The following MACROD2 variants were observed in gnomAD, a reference collection of about 807,000 sequenced individuals.
MACROD2 encodes the protein mono-ADP ribosylhydrolase 2, also known as ADP-ribose glycohydrolase MACROD2.
In MACROD2, 36 loss-of-function variants were observed where a neutral mutation model predicts 70.4. The ratio of observed to expected loss-of-function variants is 0.51; its 90% CI spans 0.39 to 0.68. The LOEUF (loss-of-function observed/expected upper bound fraction) is 0.68. MACROD2 is among the 30% of genes least tolerant of loss of function. MACROD2 has a pLI of 0.00. For synonymous variants in MACROD2, 172 were observed against 178.8 expected, an observed-to-expected ratio of 0.96 and a Z score of 0.30; for missense variants, 496 against 538.4, an observed-to-expected ratio of 0.92 and a Z score of 0.78.
chr20:14,362,563 A>C (rs1330748855), intron 3 of MACROD2, among the ~76,000 whole-genome samples: 1 of 152,144 alleles, frequency 6.6e-6, no homozygotes, highest in African/African-American at 2.4e-5. Context: ...TCACAGCCCC[A>C]AGTTAACTTT....
rs202177618 is a variant in MACROD2 at position 14,326,111 on chromosome 20, C to G, written c.272-167368C>G. The G allele has an allele frequency of 2.1e-4, 338 of 1,613,736 alleles. No individual in the cohort carries two copies. Among genetic ancestry groups the G allele is most frequent in the Non-Finnish European group, 2.6e-4 (312 of 1,179,862 alleles). ...GGTGAATCAGGCTCCAGGGCTGTGA[C>G]CAAGTACTCACTGCGTTCCCCTGTT... On this transcript the variant is annotated intron_variant, in intron 3 of 17. Coordinates refer to ENST00000684519, the MANE Select transcript of MACROD2 (RefSeq NM_001351661.2). The surrounding 1 kb of genome is among the most constrained non-coding windows in gnomAD (Gnocchi z 5.5).
intron 5 of MACROD2, among the ~76,000 whole-genome samples, chr20:14,805,440 G>A (rs920081788): frequency 9.9e-5 from 15 of 151,970 alleles, no homozygotes; most frequent in Admixed American, 3.9e-4. Flanking sequence ...ACAGTTCTAT[G>A]AGTAACCAGC....
intron 15 of MACROD2, among the ~76,000 whole-genome samples, chr20:15,995,215 C>G (rs1446262877): frequency 6.6e-6 from 1 of 151,826 alleles, no homozygotes; most frequent in Non-Finnish European, 1.5e-5. Context: ...GCTTTTAATG[C>G]ACATGTAATA....
intron 8 of MACROD2, among the ~76,000 whole-genome samples, chr20:15,831,740 C>T (rs937443339): frequency 1.1e-4 from 17 of 152,210 alleles, no homozygotes; most frequent in South Asian, 4.2e-4. Context: ...CTTGTGAACA[C>T]ACCTGACTGT....
chr20:14,308,756 C>CT (rs1164904531), intron 3 of MACROD2, among the ~76,000 whole-genome samples: 2 of 152,026 alleles, frequency 1.3e-5, no homozygotes, highest in African/African-American at 4.8e-5. Context: ...AGAACCATCA[C>CT]TGGGAATAGC....
intron 3 of MACROD2, among the ~76,000 whole-genome samples, chr20:14,250,639 C>A (rs79469892): frequency 0.015 from 2,341 of 152,202 alleles, 25 homozygotes; most frequent in African/African-American, 0.028. Context: ...CCCTTATTTT[C>A]TTTTACGCAT....
intron 5 of MACROD2, among the ~76,000 whole-genome samples, chr20:15,210,329 G>A (rs979772042): frequency 6.6e-6 from 1 of 152,186 alleles, no homozygotes; most frequent in Non-Finnish European, 1.5e-5. Flanking sequence ...ACTCTTTCCA[G>A]TAGCACTAAA....
At chr20:14,484,130 G>C (rs6042761) in intron 3 of MACROD2, among the ~76,000 whole-genome samples, 1 of 152,120 alleles carries the variant, frequency 6.6e-6, no homozygotes, top group Admixed American at 6.5e-5. Flanking sequence ...TGATGATTTA[G>C]GTGTTCTCCA....
intron 3 of MACROD2, among the ~76,000 whole-genome samples, chr20:14,492,810 G>A (rs1432192847): frequency 1.3e-5 from 2 of 152,048 alleles, no homozygotes; most frequent in African/African-American, 4.8e-5. Context: ...TAATACTTCA[G>A]CAGAAACCTG....
intron 8 of MACROD2, among the ~76,000 whole-genome samples, chr20:15,545,268 A>G (rs2048011468): frequency 6.6e-6 from 1 of 152,220 alleles, no homozygotes; most frequent in South Asian, 2.1e-4. Flanking sequence ...CAGCCTTCTT[A>G]ATATGAAGGT....
intron 4 of MACROD2, among the ~76,000 whole-genome samples, chr20:14,606,773 C>T (rs536749944): frequency 1.3e-5 from 2 of 152,058 alleles, no homozygotes; most frequent in African/African-American, 2.4e-5. Flanking sequence ...CACCAGATAT[C>T]CTTTCTTGTT....
At chr20:15,007,837 T>A (rs1285891528) in intron 5 of MACROD2, among the ~76,000 whole-genome samples, 1 of 152,194 alleles carries the variant, frequency 6.6e-6, no homozygotes, top group East Asian at 1.9e-4. Flanking sequence ...CCAATAACTC[T>A]GGGGCCAGGC....
At chr20:14,375,682 G>A (rs1225131875) in intron 3 of MACROD2, among the ~76,000 whole-genome samples, 1 of 152,206 alleles carries the variant, frequency 6.6e-6, no homozygotes, top group Non-Finnish European at 1.5e-5. Flanking sequence ...AGTTTCAAAT[G>A]ACAAGCTAGC....
At chr20:15,434,792 G>A (rs1412667797) in intron 7 of MACROD2, among the ~76,000 whole-genome samples, 2 of 152,102 alleles carry the variant, frequency 1.3e-5, no homozygotes, top group Admixed American at 6.6e-5. Context: ...CCAATGAGTA[G>A]ATAAAGAAAA....
intron 17 of MACROD2, among the ~76,000 whole-genome samples, chr20:16,047,794 A>G (rs181114324): frequency 7.4e-4 from 113 of 152,368 alleles, no homozygotes; most frequent in Non-Finnish European, 1.4e-3. Context: ...GATTGTTGAT[A>G]CAGAGACAGG....
At chr20:15,153,134 G>A (rs1174146746) in intron 5 of MACROD2, among the ~76,000 whole-genome samples, 2 of 152,016 alleles carry the variant, frequency 1.3e-5, no homozygotes, top group African/African-American at 2.4e-5. Context: ...CCCCCAGTTC[G>A]AGTCACGGCA....
At chr20:14,578,744 A>G (rs1600408403) in intron 4 of MACROD2, among the ~76,000 whole-genome samples, 1 of 152,224 alleles carries the variant, frequency 6.6e-6, no homozygotes, top group African/African-American at 2.4e-5. Context: ...TTACTTCTGA[A>G]TAAAGGAAAG....
chr20:14,449,795 T>C (rs2084224616), intron 3 of MACROD2, among the ~76,000 whole-genome samples: 1 of 152,146 alleles, frequency 6.6e-6, no homozygotes, highest in Non-Finnish European at 1.5e-5. Flanking sequence ...CTAGTAGTTA[T>C]CAGAATCAGC....
chr20:14,504,319 ATAT>A (rs1215317607), intron 4 of MACROD2, among the ~76,000 whole-genome samples: 1 of 152,176 alleles, frequency 6.6e-6, no homozygotes, highest in East Asian at 1.9e-4. Context: ...GAGTAGATAG[ATAT>A]TATTATTCTT....
Sources: gnomAD v4.1 joint callset for allele counts (sites outside exome capture counted in the v4.1 genomes callset) on GRCh38, gnomAD v4.1.1 for gene constraint, Gnocchi (gnomAD v3.1) non-coding constraint, MANE v1.5 for transcripts, NCBI Gene and HGNC (gene_info 2026-07-23, HGNC 2026-07-21) for gene names.